The following FMNL2 variants were observed in gnomAD, a reference collection of about 807,000 sequenced individuals.
FMNL2 encodes formin like 2, also known as formin-like protein 2.
FMNL2 carries 51 observed loss-of-function variants against 130.2 expected under a neutral mutation model. The observed-to-expected ratio is 0.39, with a 90% CI of 0.31 to 0.49. FMNL2 has a LOEUF of 0.49. Ranked by LOEUF, FMNL2 falls within the 20% of genes least tolerant of loss-of-function variation. The pLI, the probability that FMNL2 is intolerant of heterozygous loss-of-function variation, is 0.85. For missense variants in FMNL2, 977 were observed against 1,316.2 expected (o/e 0.74, Z 3.99); for synonymous variants, 465 against 467.1 (o/e 1.00, Z 0.06).
At position 152,648,059 on chromosome 2, in the gene FMNL2, C is replaced by G. The variant is rs1033893065; in HGVS notation, c.*154C>G. On this transcript the variant is annotated 3_prime_UTR_variant, in exon 26 of 26. Coordinates refer to ENST00000288670, the MANE Select transcript of FMNL2 (RefSeq NM_052905.4). ...ACACGGAAGAATTTTAAAATGAGCT[C>G]TCCTTTCAACCCTTGTTAACAAGTG... is the stretch of plus-strand genomic sequence containing the variant. 1 of 636,494 alleles carries G rather than the reference C, an allele frequency of 1.6e-6. No individual in the cohort carries two copies. The allele number at this position is 636,494 out of a possible 1,614,324, so 39.4% of individuals were successfully genotyped here.
intron 1 of FMNL2, among the ~76,000 whole-genome samples, chr2:152,401,942 G>A (rs1327385188): frequency 1.1e-5 from 1 of 88,212 alleles, no homozygotes; most frequent in African/African-American, 4.7e-5. Context: ...GTCTCTTTCT[G>A]TCACCCAGGC....
intron 5 of FMNL2, among the ~76,000 whole-genome samples, chr2:152,560,148 AT>A (rs1432374084): frequency 6.6e-6 from 1 of 151,418 alleles, no homozygotes; most frequent in African/African-American, 2.4e-5. Context: ...GATAGAAACA[AT>A]TAATACAATT....
intron 25 of FMNL2, among the ~76,000 whole-genome samples, chr2:152,642,765 T>TG (rs1216520814): frequency 6.6e-6 from 1 of 152,146 alleles, no homozygotes; most frequent in Non-Finnish European, 1.5e-5. Flanking sequence ...CTAAGCACTT[T>TG]GGGAGGGTGA....
intron 1 of FMNL2, among the ~76,000 whole-genome samples, chr2:152,350,979 A>C (rs1215712888): frequency 2.0e-5 from 3 of 152,186 alleles, no homozygotes; most frequent in African/African-American, 7.2e-5. Context: ...TGGGAGGCGG[A>C]GGCTGCAGTG....
At position 152,355,370 on chromosome 2, in the gene FMNL2, G is replaced by A. The variant is rs187707302; in HGVS notation, c.117+19650G>A. On this transcript the variant is annotated intron_variant, in intron 1 of 25. Transcript: ENST00000288670. ...TTTATTCCATTGAAAATAAGACCTTGATGGGTCATCCCCGGTCTTTGGCAG... is the reference window on the plus strand; with the variant it reads ...TTTATTCCATTGAAAATAAGACCTTAATGGGTCATCCCCGGTCTTTGGCAG... 3.2e-3 allele frequency among the ~76,000 whole-genome samples: 482 copies of A among 152,292 alleles called. 2 individuals are homozygous for A. The highest frequency in any genetic ancestry group is 0.011 in the African/African-American group (444 of 41,554).
intron 2 of FMNL2, among the ~76,000 whole-genome samples, chr2:152,541,075 A>G (rs1694286186): frequency 6.6e-6 from 1 of 152,240 alleles, no homozygotes; most frequent in Non-Finnish European, 1.5e-5. Context: ...CAGATTATAA[A>G]GAATTAAAGT....
chr2:152,587,321 C>T (rs979400278), intron 9 of FMNL2, among the ~76,000 whole-genome samples: 10 of 150,268 alleles, frequency 6.7e-5, no homozygotes, highest in South Asian at 4.1e-4. Context: ...GATGATTGGC[C>T]GTCGGGTTAC....
chr2:152,558,402 G>A (rs991615075), intron 4 of FMNL2, among the ~76,000 whole-genome samples: 1 of 152,182 alleles, frequency 6.6e-6, no homozygotes, highest in South Asian at 2.1e-4. Flanking sequence ...CCACAAGCAG[G>A]CTGTAGATCA....
At chr2:152,568,222 T>TG (rs1695965268) in intron 6 of FMNL2, among the ~76,000 whole-genome samples, 1 of 128,172 alleles carries the variant, frequency 7.8e-6, no homozygotes, top group African/African-American at 3.1e-5. Flanking sequence ...TGGTGGGTTT[T>TG]TTTTTTTTTT....
intron 1 of FMNL2, among the ~76,000 whole-genome samples, chr2:152,476,383 G>A (rs1434359612): frequency 6.6e-6 from 1 of 152,172 alleles, no homozygotes; most frequent in Non-Finnish European, 1.5e-5. Flanking sequence ...CCAACATTTT[G>A]TAGAAGGCTG....
chr2:152,546,384 G>A (rs1694635825), intron 3 of FMNL2, among the ~76,000 whole-genome samples: 1 of 151,986 alleles, frequency 6.6e-6, no homozygotes, highest in African/African-American at 2.4e-5. Context: ...TGAGCAAGAG[G>A]GAGGAGGTAC....
intron 4 of FMNL2, among the ~76,000 whole-genome samples, chr2:152,549,711 A>G (rs1694833382): frequency 6.6e-6 from 1 of 152,210 alleles, no homozygotes; most frequent in African/African-American, 2.4e-5. Flanking sequence ...TGCCTCAGGC[A>G]AGAACAGCAA....
At chr2:152,573,868 A>G (rs969545924) in intron 6 of FMNL2, among the ~76,000 whole-genome samples, 5 of 152,168 alleles carry the variant, frequency 3.3e-5, no homozygotes, top group African/African-American at 9.7e-5. Flanking sequence ...TTAAATGTTA[A>G]TAAGTATGTA....
intron 18 of FMNL2, 31 bp downstream of exon 18, chr2:152,628,564 G>T (rs928530917): frequency 6.3e-7 from 1 of 1,577,524 alleles, no homozygotes; most frequent in Admixed American, 1.7e-5. Flanking sequence ...AGGGGAGGGG[G>T]TCCAAAGAAA....
chr2:152,549,437 T>C (rs952999521), intron 4 of FMNL2, among the ~76,000 whole-genome samples: 4 of 152,178 alleles, frequency 2.6e-5, no homozygotes, highest in African/African-American at 9.7e-5. Context: ...ATCTCTAAGC[T>C]TTTACTGTAG....
chr2:152,487,707 G>T (rs1182184315), intron 1 of FMNL2, among the ~76,000 whole-genome samples: 1 of 152,024 alleles, frequency 6.6e-6, no homozygotes, highest in Non-Finnish European at 1.5e-5. Context: ...ATGGGTCTAG[G>T]TTTATAGGGA....
At chr2:152,487,783 T>C (rs1405806804) in intron 1 of FMNL2, among the ~76,000 whole-genome samples, 1 of 151,812 alleles carries the variant, frequency 6.6e-6, no homozygotes, top group Non-Finnish European at 1.5e-5. Flanking sequence ...ATGAATTCTT[T>C]CTTTTTTTTT....
Position 152,463,127 on chromosome 2 carries a change from A to G in FMNL2, c.118-58816A>G, listed in dbSNP as rs994097252. On this transcript the variant is annotated intron_variant, in intron 1 of 25. Coordinates refer to ENST00000288670, the MANE Select transcript of FMNL2 (RefSeq NM_052905.4). ...CTAGTTGTTAGAAGAGGAGTTATCAAACCTGTTTGTTCTATCTCTTAAAGG... is the reference window on the plus strand; with the variant it reads ...CTAGTTGTTAGAAGAGGAGTTATCAGACCTGTTTGTTCTATCTCTTAAAGG... Among the ~76,000 whole-genome samples, 10 of 152,300 alleles carry G rather than the reference A, an allele frequency of 6.6e-5. No individual in the cohort carries two copies. The East Asian group carries it at 1.9e-3, about 29-fold the overall frequency.
rs751736410 is a variant in FMNL2, at chr2:152,619,004, C to T, written c.1473C>T (p.Ile491=). 1.2e-5 allele frequency: 19 copies of T among 1,613,916 alleles called. No homozygotes were observed. The highest frequency in any genetic ancestry group is 1.3e-5 in the Non-Finnish European group (15 of 1,179,906). ...IKIQKKGDGD[I]AILPVVASGT... ...TTCAGAAGAAAGGGGATGGGGATAT[C>T]GCCATACTGCCAGTTGTGGCTTCTG... Residue 491 remains isoleucine (I), a synonymous_variant, in exon 14 of 26, where the codon ATC becomes ATT. Transcript: ENST00000288670.
Sources: gnomAD v4.1 joint callset for allele counts (sites outside exome capture counted in the v4.1 genomes callset) on GRCh38, gnomAD v4.1.1 for gene constraint, MANE v1.5 for transcripts, NCBI Gene and HGNC (gene_info 2026-07-23, HGNC 2026-07-21) for gene names.